AGBL4: variants seen among roughly 807,000 people sequenced by gnomAD.
AGBL4 encodes AGBL carboxypeptidase 4.
A neutral mutation model predicts 66.4 loss-of-function variants in AGBL4; 58 were observed. The ratio of observed to expected loss-of-function variants is 0.87; its 90% CI spans 0.71 to 1.09. AGBL4 has a LOEUF of 1.09. AGBL4 is among the 50% of genes least tolerant of loss of function. The pLI, the probability that AGBL4 is intolerant of heterozygous loss-of-function variation, is 0.00. For missense variants in AGBL4, 579 were observed against 631.0 expected, an observed-to-expected ratio of 0.92 and a Z score of 0.88; for synonymous variants, 234 against 222.9, an observed-to-expected ratio of 1.05 and a Z score of -0.44.
intron 7 of AGBL4, among the ~76,000 whole-genome samples, chr1:48,657,742 G>A (rs1234482730): frequency 6.6e-6 from 1 of 152,218 alleles, no homozygotes; most frequent in African/African-American, 2.4e-5. Context: ...TTTGCTGAAA[G>A]CACCCAACCT....
chr1:48,532,552 A>G (rs1643912061), downstream of AGBL4, among the ~76,000 whole-genome samples: 1 of 152,200 alleles, frequency 6.6e-6, no homozygotes, highest in African/African-American at 2.4e-5. Flanking sequence ...ATGGATCTAG[A>G]CTATTGCCTC....
rs77355144 is a variant in AGBL4 at position 49,325,846 on chromosome 1, G to A, written c.283-79982C>T. On this transcript the variant is annotated intron_variant, in intron 3 of 13. Transcript: ENST00000371839. Reference sequence around the variant, plus strand: ...ATGATAGTGAGTTCTCATTAGATCCGATCATTTAAAAGCATGTAGGACGTC... The same window carrying A: ...ATGATAGTGAGTTCTCATTAGATCCAATCATTTAAAAGCATGTAGGACGTC... Among the ~76,000 whole-genome samples the A allele has an allele frequency of 1.6e-3, 251 of 152,186 alleles. 1 individual carries two copies. Among genetic ancestry groups the A allele is most frequent in the African/African-American group, 5.6e-3 (234 of 41,534 alleles).
intron 4 of AGBL4, among the ~76,000 whole-genome samples, chr1:49,077,185 C>T (rs1248669162): frequency 6.8e-6 from 1 of 147,460 alleles, no homozygotes; most frequent in East Asian, 1.9e-4. Flanking sequence ...CAGCACCTAT[C>T]ACATAGTGGG....
rs1553243684 is a variant in AGBL4 at position 48,846,421 on chromosome 1, G to GAAATAAAT, written c.634+20769_634+20770insATTTATTT. ...AGAAAGAAAGAAAGAAAGAAAGAAA[G>GAAATAAAT]AAATTCATTTATAGTAGGCAAAATA... On this transcript the variant is annotated intron_variant, in intron 6 of 13. Coordinates refer to ENST00000371839, the MANE Select transcript of AGBL4 (RefSeq NM_032785.4). 4.5e-3 allele frequency among the ~76,000 whole-genome samples: 649 copies of GAAATAAAT among 144,712 alleles called. 6 individuals are homozygous for GAAATAAAT. The highest frequency in any genetic ancestry group is 0.011 in the Middle Eastern group (3 of 276). 94.9% of individuals were successfully genotyped at this position (144,712 alleles called of 152,430 possible).
chr1:49,362,174 T>C (rs1644151322), intron 3 of AGBL4, among the ~76,000 whole-genome samples: 1 of 152,138 alleles, frequency 6.6e-6, no homozygotes, highest in Admixed American at 6.5e-5. Flanking sequence ...GATTTCTATG[T>C]AGGAAGTGCT....
intron 5 of AGBL4, among the ~76,000 whole-genome samples, chr1:48,936,017 G>A (rs1248315924): frequency 7.0e-6 from 1 of 143,660 alleles, no homozygotes; most frequent in Non-Finnish European, 1.5e-5. Flanking sequence ...GCTGGGTGTG[G>A]TGGCTCATGG....
intron 1 of AGBL4, among the ~76,000 whole-genome samples, chr1:49,943,710 A>G (rs1654970075): frequency 6.7e-6 from 1 of 148,350 alleles, no homozygotes; most frequent in Non-Finnish European, 1.5e-5. Flanking sequence ...GTACTGGGAA[A>G]AGGTCACAGG....
intron 11 of AGBL4, among the ~76,000 whole-genome samples, chr1:48,540,363 A>G (rs1409990494): frequency 6.6e-6 from 1 of 152,174 alleles, no homozygotes; most frequent in Non-Finnish European, 1.5e-5. Context: ...TTAACACCTT[A>G]ATGTGAATAA....
chr1:48,644,323 C>A (rs1645801934), intron 8 of AGBL4, among the ~76,000 whole-genome samples: 1 of 152,330 alleles, frequency 6.6e-6, no homozygotes, highest in East Asian at 1.9e-4. Context: ...CAGATATTTT[C>A]TCTGACTTTC....
At chr1:49,842,297 T>G (rs1438505293) in intron 2 of AGBL4, 1 of 477,390 alleles carries the variant, frequency 2.1e-6, no homozygotes, top group African/African-American at 2.1e-5. Flanking sequence ...TGTAGGACAT[T>G]GGTTACCAAA....
intron 2 of AGBL4, among the ~76,000 whole-genome samples, chr1:49,789,032 T>C (rs992134096): frequency 1.3e-5 from 2 of 152,228 alleles, no homozygotes; most frequent in African/African-American, 4.8e-5. Flanking sequence ...ACCTAGTTTA[T>C]TGAGAGTTTT....
intron 5 of AGBL4, among the ~76,000 whole-genome samples, chr1:49,036,384 T>C (rs1340138697): frequency 1.3e-5 from 2 of 152,040 alleles, no homozygotes; most frequent in Admixed American, 6.6e-5. Context: ...AGTGCTAGCA[T>C]TTTAAGAAGA....
chr1:49,096,718 T>C (rs1238207200), intron 4 of AGBL4, among the ~76,000 whole-genome samples: 4 of 147,992 alleles, frequency 2.7e-5, no homozygotes, highest in African/African-American at 5.0e-5. Context: ...AGGGATAGCA[T>C]TGGGAGATAT....
At chr1:49,881,858 G>C (rs1244190485) in intron 1 of AGBL4, among the ~76,000 whole-genome samples, 1 of 151,720 alleles carries the variant, frequency 6.6e-6, no homozygotes, top group Non-Finnish European at 1.5e-5. Context: ...TCTGATGGTA[G>C]TTTCTTTTGC....
chr1:49,645,213 G>T (rs1401383203), intron 3 of AGBL4, among the ~76,000 whole-genome samples: 2 of 151,448 alleles, frequency 1.3e-5, no homozygotes, highest in Non-Finnish European at 3.0e-5. Context: ...TACACTCAAT[G>T]TAAGTAGAAA....
chr1:49,594,879 C>G (rs1393101515), intron 3 of AGBL4, among the ~76,000 whole-genome samples: 1 of 152,080 alleles, frequency 6.6e-6, no homozygotes, highest in African/African-American at 2.4e-5. Context: ...TGGGTATATA[C>G]CCACCCAGTA....
chr1:49,647,797 C>T (rs561626164), intron 3 of AGBL4, among the ~76,000 whole-genome samples: 1 of 151,392 alleles, frequency 6.6e-6, no homozygotes, highest in South Asian at 2.1e-4. Context: ...TCCTGACCCA[C>T]CTACGAGGGA....
chr1:50,023,627 C>T (rs1662612769), intron 1 of AGBL4, 136 bp downstream of exon 1: 1 of 1,113,742 alleles, frequency 9.0e-7, no homozygotes, highest in East Asian at 3.1e-5. Flanking sequence ...GACCCCTGAC[C>T]CTGAAGTCAT....
intron 2 of AGBL4, among the ~76,000 whole-genome samples, chr1:49,847,296 C>T (rs1369047082): frequency 1.3e-5 from 2 of 152,106 alleles, no homozygotes; most frequent in African/African-American, 2.4e-5. Flanking sequence ...AGACCTAAAA[C>T]TATAAAAATA....
Sources: gnomAD v4.1 joint callset for allele counts (sites outside exome capture counted in the v4.1 genomes callset) on GRCh38, gnomAD v4.1.1 for gene constraint, MANE v1.5 for transcripts, NCBI Gene and HGNC (gene_info 2026-07-23, HGNC 2026-07-21) for gene names.